The following EYA3 variants were observed in gnomAD, a reference collection of about 807,000 sequenced individuals.
EYA3 encodes the protein protein phosphatase EYA3.
In EYA3, 39 loss-of-function variants were observed where a neutral mutation model predicts 80.0. The ratio of observed to expected loss-of-function variants is 0.49; its 90% CI spans 0.38 to 0.64. EYA3 has a LOEUF of 0.64. EYA3 is among the 30% of genes least tolerant of loss of function. EYA3 has a pLI of 0.00. For synonymous variants in EYA3, 206 were observed against 232.8 expected, an observed-to-expected ratio of 0.88 and a Z score of 1.05; for missense variants, 523 against 676.1, an observed-to-expected ratio of 0.77 and a Z score of 2.51.
At chr1:28,047,681 C>T (rs1022255852) in intron 3 of EYA3, among the ~76,000 whole-genome samples, 1 of 151,160 alleles carries the variant, frequency 6.6e-6, no homozygotes, top group African/African-American at 2.4e-5. Context: ...CTCTGTCGCC[C>T]AGGCTGGAGT....
At chr1:27,978,231 C>G (rs1639071867) in intron 17 of EYA3, 143 bp downstream of exon 17, 1 of 603,104 alleles carries the variant, frequency 1.7e-6, no homozygotes, top group Non-Finnish European at 2.8e-6. Context: ...AAAAGACCCT[C>G]TTTTTCTTTA....
chr1:28,043,142 C>T (rs1472662193), intron 3 of EYA3, among the ~76,000 whole-genome samples: 1 of 152,152 alleles, frequency 6.6e-6, no homozygotes, highest in Admixed American at 6.5e-5. Flanking sequence ...CACGCCCAGT[C>T]TACTGTTCTT....
chr1:28,028,031 C>A, intron 6 of EYA3, 105 bp from the exon 7 acceptor site: 1 of 1,325,136 alleles, frequency 7.5e-7, no homozygotes, highest in Non-Finnish European at 1.0e-6. Context: ...AATCTTAAAA[C>A]AAAAATAAAT....
At chr1:28,048,319 GC>G (rs1183109979) in intron 3 of EYA3, 63 bp downstream of exon 3, 1 of 1,170,206 alleles carries the variant, frequency 8.5e-7, no homozygotes, top group Non-Finnish European at 1.2e-6. Flanking sequence ...ACGCTAATCA[GC>G]ATGTGAAAAA....
intron 8 of EYA3, among the ~76,000 whole-genome samples, chr1:28,016,262 T>C (rs1414966583): frequency 1.3e-5 from 2 of 152,136 alleles, no homozygotes; most frequent in East Asian, 3.9e-4. Flanking sequence ...GCGCGGTGGC[T>C]CACACCTGTA....
At chr1:27,993,047 A>G (rs1640181280) in intron 14 of EYA3, among the ~76,000 whole-genome samples, 3 of 151,926 alleles carry the variant, frequency 2.0e-5, no homozygotes, top group Admixed American at 2.0e-4. Flanking sequence ...TTGTCCTGAT[A>G]GTTATATAAA....
At chr1:28,007,339 T>TTC (rs202211984) in intron 10 of EYA3, among the ~76,000 whole-genome samples, 62 of 146,092 alleles carry the variant, frequency 4.2e-4, no homozygotes, top group African/African-American at 1.5e-3. Flanking sequence ...CTTTCTTTCT[T>TTC]TTTTTTTTTT....
At chr1:28,019,038 C>T (rs914826679) in intron 7 of EYA3, among the ~76,000 whole-genome samples, 7 of 152,078 alleles carry the variant, frequency 4.6e-5, no homozygotes, top group Non-Finnish European at 8.8e-5. Flanking sequence ...TGATGGTGTG[C>T]ACCTGTAATC....
chr1:28,015,857 A>G (rs781541373), intron 8 of EYA3, among the ~76,000 whole-genome samples: 1 of 152,198 alleles, frequency 6.6e-6, no homozygotes, highest in Non-Finnish European at 1.5e-5. Context: ...AAAATGTAGT[A>G]TCACTAATAA....
intron 1 of EYA3, among the ~76,000 whole-genome samples, chr1:28,080,869 G>A (rs1457569364): frequency 6.6e-6 from 1 of 152,006 alleles, no homozygotes; most frequent in Non-Finnish European, 1.5e-5. Flanking sequence ...TCCTGCCTCA[G>A]CCTCCCAAGT....
intron 1 of EYA3, among the ~76,000 whole-genome samples, chr1:28,062,511 T>TA (rs1192028507): frequency 2.0e-5 from 3 of 152,178 alleles, no homozygotes; most frequent in Non-Finnish European, 4.4e-5. Flanking sequence ...AAATTCAAAT[T>TA]AGATTCCTAC....
intron 11 of EYA3, among the ~76,000 whole-genome samples, chr1:28,000,752 G>A (rs1640778047): frequency 6.6e-6 from 1 of 152,146 alleles, no homozygotes; most frequent in Non-Finnish European, 1.5e-5. Context: ...AACAAAGCAA[G>A]ACCCCCGTCT....
At chr1:28,087,068 A>C (rs1344464782) in intron 1 of EYA3, among the ~76,000 whole-genome samples, 1 of 152,260 alleles carries the variant, frequency 6.6e-6, no homozygotes, top group Non-Finnish European at 1.5e-5. Context: ...ATACTGAAGT[A>C]CTACATTTTA....
At chr1:27,994,935 C>T (rs1037786232) in intron 13 of EYA3, among the ~76,000 whole-genome samples, 1 of 151,144 alleles carries the variant, frequency 6.6e-6, no homozygotes, top group African/African-American at 2.4e-5. Flanking sequence ...TGCACCTTAG[C>T]CTGGGCAACA....
chr1:28,037,028 A>G (rs1394460034), intron 5 of EYA3, among the ~76,000 whole-genome samples: 1 of 152,212 alleles, frequency 6.6e-6, no homozygotes, highest in Non-Finnish European at 1.5e-5. Context: ...AAGAGCACAG[A>G]TAACTGAGGG....
chr1:28,045,015 G>T (rs765171455), intron 3 of EYA3, among the ~76,000 whole-genome samples: 1 of 152,044 alleles, frequency 6.6e-6, no homozygotes, highest in Non-Finnish European at 1.5e-5. Context: ...CAAGCAATCC[G>T]TCCACCTCAG....
chr1:27,980,235 C>T (rs1293123399), intron 16 of EYA3, among the ~76,000 whole-genome samples: 1 of 152,208 alleles, frequency 6.6e-6, no homozygotes, highest in East Asian at 1.9e-4. Flanking sequence ...AACCATTCAA[C>T]TAATAATAAA....
At chr1:27,985,424 A>C (rs1194109108) in intron 16 of EYA3, among the ~76,000 whole-genome samples, 2 of 151,316 alleles carry the variant, frequency 1.3e-5, no homozygotes, top group Admixed American at 6.6e-5. Context: ...GGAGTTGATC[A>C]CTCTTCCTTC....
At chr1:28,063,808 CT>C (rs1410627654) in intron 1 of EYA3, among the ~76,000 whole-genome samples, 1 of 152,158 alleles carries the variant, frequency 6.6e-6, no homozygotes, top group South Asian at 2.1e-4. Context: ...ATTATCTCCT[CT>C]GTACACAATG....
Sources: allele counts gnomAD v4.1 joint callset (sites outside exome capture counted in the v4.1 genomes callset), GRCh38; gene constraint gnomAD v4.1.1; transcripts MANE v1.5; gene names NCBI Gene and HGNC (gene_info 2026-07-23, HGNC 2026-07-21).